PMS1: variants seen among roughly 807,000 people sequenced by gnomAD.
PMS1 encodes PMS1 protein homolog 1.
PMS1 carries 79 observed loss-of-function variants against 93.1 expected under a neutral mutation model. The observed-to-expected ratio is 0.85, with a 90% CI of 0.71 to 1.02. The LOEUF is 1.02. Ranked by LOEUF, PMS1 falls within the 50% of genes least tolerant of loss-of-function variation. The probability of loss-of-function intolerance (pLI) is 0.00; values close to 1 mark genes in which losing one functional copy is unlikely to be tolerated. For synonymous variants in PMS1, 335 were observed against 363.4 expected, an observed-to-expected ratio of 0.92 and a Z score of 0.89; for missense variants, 1,064 against 1,085.3, an observed-to-expected ratio of 0.98 and a Z score of 0.28.
At chr2:189,838,795 A>G (rs2053589058) in intron 5 of PMS1, among the ~76,000 whole-genome samples, 1 of 152,222 alleles carries the variant, frequency 6.6e-6, no homozygotes, top group African/African-American at 2.4e-5. Context: ...TCCTGTCAAC[A>G]TCAGTTTCAC....
chr2:189,872,149 A>G (rs1428455434), intron 11 of PMS1, among the ~76,000 whole-genome samples: 1 of 152,172 alleles, frequency 6.6e-6, no homozygotes, highest in East Asian at 1.9e-4. Context: ...TCTAAACCAT[A>G]GCATCTCACT....
At chr2:189,818,548 G>T (rs987925127) in intron 5 of PMS1, among the ~76,000 whole-genome samples, 2 of 152,096 alleles carry the variant, frequency 1.3e-5, no homozygotes, top group Non-Finnish European at 2.9e-5. Context: ...AATTTCTATT[G>T]TTTATAAGCC....
chr2:189,818,065 A>G lies in PMS1; in HGVS notation c.467A>G (p.Lys156Arg), dbSNP rs1331261141. 2 of 1,607,280 alleles carry G rather than the reference A, an allele frequency of 1.2e-6. No individual in the cohort carries two copies. The highest frequency in any genetic ancestry group is 1.7e-5 in the Admixed American group (1 of 59,916). ...LRLFKNLPVR[K>R]QFYSTAKKCK... Reference sequence around the variant, plus strand: ...TTATTTAAGAATCTACCTGTAAGAAAGCAGTTTTACTCAACTGCAAAAAAA... The same window carrying G: ...TTATTTAAGAATCTACCTGTAAGAAGGCAGTTTTACTCAACTGCAAAAAAA... Residue 156 changes from lysine (K) to arginine (R), a missense_variant, in exon 5 of 13, where the codon AAG (lysine) becomes AGG (arginine). Physicochemically the swap from Lys to Arg is conservative, Grantham distance 26. Transcript: ENST00000441310.
At chr2:189,850,192 G>GT (rs2054583168) in intron 6 of PMS1, among the ~76,000 whole-genome samples, 1 of 152,114 alleles carries the variant, frequency 6.6e-6, no homozygotes, top group Non-Finnish European at 1.5e-5. Flanking sequence ...ACATGAACTT[G>GT]TTTCACTGTC....
intron 4 of PMS1, among the ~76,000 whole-genome samples, chr2:189,810,272 G>A (rs1468361569): frequency 2.0e-5 from 3 of 152,272 alleles, no homozygotes; most frequent in African/African-American, 4.8e-5. Flanking sequence ...TGCTATCTGC[G>A]TAGCAATGAG....
chr2:189,821,654 C>G (rs2051897823), intron 5 of PMS1, among the ~76,000 whole-genome samples: 1 of 151,788 alleles, frequency 6.6e-6, no homozygotes, highest in African/African-American at 2.4e-5. Context: ...ACTAAAAGTA[C>G]AAAAATTAGA....
At chr2:189,861,747 CA>C (rs60765447) in intron 9 of PMS1, among the ~76,000 whole-genome samples, 37,256 of 114,888 alleles carry the variant, frequency 0.32, 7,561 homozygotes, top group African/African-American at 0.63. Context: ...GACTCTGTCT[CA>C]AAAAAAAAAA....
chr2:189,791,633 A>G, intron 1 of PMS1, 157 bp from the exon 2 acceptor site: 1 of 573,954 alleles, frequency 1.7e-6, no homozygotes, highest in Non-Finnish European at 3.1e-6. Context: ...AAAAAAGAAG[A>G]AATAGAAGAC....
At chr2:189,790,937 T>G (rs116425928) in intron 1 of PMS1, among the ~76,000 whole-genome samples, 4,930 of 152,264 alleles carry the variant, frequency 0.032, 102 homozygotes, top group South Asian at 0.07. Flanking sequence ...ACCCGGAGTT[T>G]GAGCTAGTGA....
intron 3 of PMS1, among the ~76,000 whole-genome samples, chr2:189,799,728 C>T (rs1279335415): frequency 6.6e-6 from 1 of 152,154 alleles, no homozygotes; most frequent in African/African-American, 2.4e-5. Context: ...GGTGACTCAC[C>T]CCTGAGTCTC....
At chr2:189,835,647 T>C (rs887152037) in intron 5 of PMS1, among the ~76,000 whole-genome samples, 1 of 152,114 alleles carries the variant, frequency 6.6e-6, no homozygotes, top group Non-Finnish European at 1.5e-5. Context: ...GAAATTTGCC[T>C]GGGTATGGTG....
chr2:189,822,471 C>T (rs1222931606), intron 5 of PMS1, among the ~76,000 whole-genome samples: 3 of 151,912 alleles, frequency 2.0e-5, no homozygotes, highest in African/African-American at 7.3e-5. Context: ...GGTATTGGGT[C>T]AGCTGATCGA....
intron 4 of PMS1, among the ~76,000 whole-genome samples, chr2:189,814,341 T>A (rs2051090187): frequency 6.6e-6 from 1 of 151,694 alleles, no homozygotes; most frequent in Non-Finnish European, 1.5e-5. Context: ...AGTAATGTTA[T>A]ATGCTAATGA....
chr2:189,852,905 A>G (rs2054902549), intron 7 of PMS1, 128 bp downstream of exon 7: 2 of 682,424 alleles, frequency 2.9e-6, no homozygotes, highest in Admixed American at 2.4e-5. Context: ...AACATTATGC[A>G]TGATAGAAAG....
chr2:189,784,787 G>C (rs1232437001), intron 1 of PMS1, 194 bp downstream of exon 1: 2 of 152,318 alleles, frequency 1.3e-5, no homozygotes. Flanking sequence ...GCTCCGGGGT[G>C]TTCTGGCTTG....
intron 4 of PMS1, chr2:189,806,467 G>A: frequency 3.4e-6 from 1 of 294,576 alleles, no homozygotes; most frequent in Non-Finnish European, 6.7e-6. Flanking sequence ...GCATCATCTT[G>A]GTTCACTGCA....
At chr2:189,868,852 T>G (rs796589507) in intron 11 of PMS1, among the ~76,000 whole-genome samples, 3 of 152,308 alleles carry the variant, frequency 2.0e-5, no homozygotes, top group African/African-American at 7.2e-5. Context: ...GCTTCTTACC[T>G]CCTACCTCAA....
chr2:189,864,023 C>T lies in PMS1; in HGVS notation c.2137C>T (p.Gln713Ter). Residue 713 changes from glutamine (Q) to a stop codon, truncating the protein, a stop_gained, in exon 10 of 13, where the codon CAA (glutamine) becomes TAA (stop). Coordinates refer to ENST00000441310, the MANE Select transcript of PMS1 (RefSeq NM_000534.5). LOFTEE classifies it high-confidence loss of function. ...AAACTTAAAAATAAATTTTAAGAAA[C>T]AAAACAAAGTTGACTTAGAAGAGAA... is the stretch of plus-strand genomic sequence containing the variant. ...MKNLKINFKK[Q>*]NKVDLEEKDE... is the part of the protein sequence containing the mutation. 6.2e-7 allele frequency: 1 copy of T among 1,608,948 alleles called. No homozygotes were observed.
chr2:189,870,050 T>C (rs949554851), intron 11 of PMS1, among the ~76,000 whole-genome samples: 1 of 149,948 alleles, frequency 6.7e-6, no homozygotes, highest in African/African-American at 2.4e-5. Flanking sequence ...ACCTGTAAAC[T>C]GACTTGATTT....
Sources: allele counts gnomAD v4.1 joint callset (sites outside exome capture counted in the v4.1 genomes callset), GRCh38; gene constraint gnomAD v4.1.1; transcripts MANE v1.5; gene names NCBI Gene and HGNC (gene_info 2026-07-23, HGNC 2026-07-21).